Variants in LAMTOR5 observed in about 807,000 individuals in gnomAD.
LAMTOR5 encodes the protein ragulator complex protein LAMTOR5.
In LAMTOR5, 8 loss-of-function variants were observed where a neutral mutation model predicts 12.1. The ratio of observed to expected loss-of-function variants is 0.66; its 90% CI spans 0.39 to 1.19. The LOEUF is 1.19. Among genes scored for constraint, LAMTOR5 ranks in the 50% most tolerant of loss-of-function variants. The pLI is 0.01. For synonymous variants in LAMTOR5, 37 were observed against 41.9 expected, an observed-to-expected ratio of 0.88 and a Z score of 0.45; for missense variants, 110 against 112.8, an observed-to-expected ratio of 0.97 and a Z score of 0.11.
chr1:110,404,710 T>A (rs1436489339), intron 2 of LAMTOR5, among the ~76,000 whole-genome samples: 1 of 152,194 alleles, frequency 6.6e-6, no homozygotes, highest in East Asian at 1.9e-4. Context: ...AAGTATTATG[T>A]CTCAGTTCTA....
At position 110,407,570 on chromosome 1, in the gene LAMTOR5, G is replaced by A. The variant is rs375681309; in HGVS notation, c.35+16C>T. The stretch of plus-strand genomic sequence containing the variant: ...CCGCGACCTCAGGACAGGCCGAAGA[G>A]GCGCGCACTACTCACGTGTCTTCCA... On this transcript the variant is annotated intron_variant, in intron 1 of 3. Coordinates refer to ENST00000602318, the MANE Select transcript of LAMTOR5 (RefSeq NM_001382293.1). 2 of 1,611,696 alleles carry A rather than the reference G, an allele frequency of 1.2e-6. No individual in the cohort carries two copies. The highest frequency in any genetic ancestry group is 2.2e-5 in the East Asian group (1 of 44,808).
At chr1:110,407,457 T>A in intron 1 of LAMTOR5, 129 bp downstream of exon 1, 2 of 1,199,026 alleles carry the variant, frequency 1.7e-6, no homozygotes, top group Non-Finnish European at 1.1e-6. Context: ...AGCCCCCTCA[T>A]CCCGTGTCCC....
At chr1:110,402,523 A>C (rs531921146) in intron 3 of LAMTOR5, among the ~76,000 whole-genome samples, 1 of 152,220 alleles carries the variant, frequency 6.6e-6, no homozygotes, top group Admixed American at 6.5e-5. Flanking sequence ...TGGGATTACA[A>C]GTGTGAGCCA....
At chr1:110,407,351 TG>T (rs1557925033) in intron 1 of LAMTOR5, 3 of 612,102 alleles carry the variant, frequency 4.9e-6, no homozygotes, top group Non-Finnish European at 8.5e-6. Context: ...GCCCGTGGCC[TG>T]GGCCCGGGAG....
intron 2 of LAMTOR5, 148 bp from the exon 3 acceptor site, chr1:110,404,184 G>C: frequency 8.3e-7 from 1 of 1,197,708 alleles, no homozygotes; most frequent in Non-Finnish European, 1.1e-6. Flanking sequence ...CTAAATCTCG[G>C]GTACAAAAGT....
At chr1:110,407,800 A>G (rs1455368655), upstream of LAMTOR5, 5 of 1,614,076 alleles carry the variant, frequency 3.1e-6, no homozygotes, top group South Asian at 1.1e-5. Flanking sequence ...CTTCCGTCGC[A>G]CAGAGCCTGA....
chr1:110,404,496 A>C (rs940112611), intron 2 of LAMTOR5, among the ~76,000 whole-genome samples: 1 of 152,222 alleles, frequency 6.6e-6, no homozygotes, highest in Non-Finnish European at 1.5e-5. Context: ...TTTTTCTCCC[A>C]AATGACTGAT....
In LAMTOR5 at chr1:110,406,319, A is replaced by G. The variant is rs764751425; in HGVS notation, c.96T>C (p.Gly32=). The change falls in exon 2 of 4, where the codon GGT becomes GGC. Residue 32 remains glycine, a splice_region_variant and synonymous_variant. Coordinates refer to ENST00000602318, the MANE Select transcript of LAMTOR5 (RefSeq NM_001382293.1). Reference sequence around the variant, plus strand: ...ATAGTTGGTATGAGAGATACTTACAACCCAGATTAAGTCCTTGTGAATCTG... The same window carrying G: ...ATAGTTGGTATGAGAGATACTTACAGCCCAGATTAAGTCCTTGTGAATCTG... ...LCTDSQGLNL[G]CRGTLSDEHA... 1.2e-6 allele frequency: 2 copies of G among 1,600,924 alleles called. No homozygotes were observed. Among genetic ancestry groups the G allele is most frequent in the Non-Finnish European group, 1.7e-6 (2 of 1,172,034 alleles).
In LAMTOR5 at chr1:110,401,477, T is replaced by TAGG; in HGVS notation, c.*43_*45dup. ...AGTTCTATAAGGTAATTAACATAGG[T>TAGG]AGGATCCAGTTCCTATGACAGGCTG... On this transcript the variant is annotated 3_prime_UTR_variant, in exon 4 of 4. Transcript: ENST00000602318. The TAGG allele has an allele frequency of 6.3e-7, 1 of 1,575,360 alleles. No homozygotes were observed. Among genetic ancestry groups the TAGG allele is most frequent in the South Asian group, 1.1e-5 (1 of 88,004 alleles).
At chr1:110,403,691 T>TCTCCTGGGCCCGGG in intron 3 of LAMTOR5, 1 of 484,050 alleles carries the variant, frequency 2.1e-6, no homozygotes, top group Non-Finnish European at 3.4e-6. Context: ...TTTTTGTTGG[T>TCTCCTGGGCCCGGG]AAACTGATAG....
At chr1:110,406,954 T>G in intron 1 of LAMTOR5, 1 of 627,672 alleles carries the variant, frequency 1.6e-6, no homozygotes, top group Non-Finnish European at 2.9e-6. Flanking sequence ...GAAAAACATC[T>G]AGGATGTTTT....
At chr1:110,404,951 G>A (rs1372515863) in intron 2 of LAMTOR5, among the ~76,000 whole-genome samples, 1 of 151,698 alleles carries the variant, frequency 6.6e-6, no homozygotes, top group Non-Finnish European at 1.5e-5. Flanking sequence ...AGGAGGCTGA[G>A]GCAGGAGAAT....
At position 110,403,850 on chromosome 1, in the gene LAMTOR5, C is replaced by T; in HGVS notation, c.215+69G>A. Reference sequence around the variant, plus strand: ...TAAGGAATCACTGATGAACACAGGGCCGGCCCCCGCCAATTTTACCAGGAA... The same window carrying T: ...TAAGGAATCACTGATGAACACAGGGTCGGCCCCCGCCAATTTTACCAGGAA... On this transcript the variant is annotated intron_variant, in intron 3 of 3. Transcript: ENST00000602318. 3.1e-6 allele frequency: 5 copies of T among 1,590,210 alleles called. No individual in the cohort carries two copies. In the East Asian group the frequency reaches 9.0e-5, roughly 29 times the overall value.
chr1:110,404,324 C>G (rs1406714619), intron 2 of LAMTOR5, among the ~76,000 whole-genome samples: 1 of 152,220 alleles, frequency 6.6e-6, no homozygotes, highest in Admixed American at 6.5e-5. Context: ...TATGGCAGAG[C>G]ATTTGGATGT....
Position 110,406,364 on chromosome 1 carries a change from G to A in LAMTOR5, c.51C>T (p.Ser17=). The change falls in exon 2 of 4, where the codon TCC becomes TCT. Residue 17 remains serine (S), a synonymous_variant. Coordinates refer to ENST00000602318, the MANE Select transcript of LAMTOR5 (RefSeq NM_001382293.1). ...QHLEDTMKNP[S]IVGVLCTDSQ... ...AATCTGTGCACAGGACTCCAACAAT[G>A]GAGGGATTCTTCATTCTAATTCCAG... The A allele has an allele frequency of 6.2e-7, 1 of 1,609,582 alleles. No homozygotes were observed.
chr1:110,403,615 A>T, intron 3 of LAMTOR5: 1 of 235,826 alleles, frequency 4.2e-6, no homozygotes, highest in Non-Finnish European at 8.4e-6. Flanking sequence ...CCTGCCTCAA[A>T]AAGAAAAAAA....
upstream of LAMTOR5, chr1:110,407,852 T>G: frequency 6.2e-7 from 1 of 1,613,290 alleles, no homozygotes; most frequent in Non-Finnish European, 8.5e-7. Context: ...CGAGGTGACC[T>G]GCACCTGGCT....
intron 1 of LAMTOR5, 52 bp downstream of exon 1, chr1:110,407,534 A>C: frequency 6.3e-7 from 1 of 1,587,862 alleles, no homozygotes; most frequent in Middle Eastern, 1.9e-4. Flanking sequence ...CGTTCCGCTC[A>C]AGTTCCTCCG....
chr1:110,402,341 C>T (rs1188127903), intron 3 of LAMTOR5, among the ~76,000 whole-genome samples: 1 of 152,120 alleles, frequency 6.6e-6, no homozygotes, highest in Non-Finnish European at 1.5e-5. Flanking sequence ...ACCTCTGCCT[C>T]CCGGGTTCAA....
Sources: allele counts gnomAD v4.1 joint callset (sites outside exome capture counted in the v4.1 genomes callset), GRCh38; gene constraint gnomAD v4.1.1; transcripts MANE v1.5; gene names NCBI Gene and HGNC (gene_info 2026-07-23, HGNC 2026-07-21).